The following CIT variants were observed in gnomAD, a reference collection of about 807,000 sequenced individuals.
The protein encoded by CIT is citron Rho-interacting kinase.
CIT carries 79 observed loss-of-function variants against 272.7 expected under a neutral mutation model. That is an observed-to-expected ratio of 0.29 (90% confidence interval 0.24 to 0.35). The LOEUF (loss-of-function observed/expected upper bound fraction) is 0.35, where lower values mean the gene tolerates loss of function less well. Ranked by LOEUF, CIT falls within the 10% of genes least tolerant of loss-of-function variation. CIT has a pLI of 1.00. For missense variants in CIT, 1,909 were observed against 2,618.3 expected, an observed-to-expected ratio of 0.73 and a Z score of 5.91; for synonymous variants, 948 against 995.6, an observed-to-expected ratio of 0.95 and a Z score of 0.90.
intron 23 of CIT, among the ~76,000 whole-genome samples, chr12:119,750,096 T>G (rs948294957): frequency 1.3e-5 from 2 of 152,254 alleles, no homozygotes; most frequent in Non-Finnish European, 2.9e-5. Flanking sequence ...AAGGGCTTAT[T>G]AAATATGGAT....
intron 32 of CIT, among the ~76,000 whole-genome samples, chr12:119,717,414 C>CTTTTTTTTT (rs765763044): frequency 7.8e-4 from 85 of 109,420 alleles, no homozygotes; most frequent in East Asian, 1.8e-3. Flanking sequence ...TTTTTCTTTT[C>CTTTTTTTTT]TTTTCTTTTT....
intron 4 of CIT, among the ~76,000 whole-genome samples, chr12:119,856,903 T>C (rs76816623): frequency 1.3e-5 from 2 of 152,324 alleles, no homozygotes; most frequent in East Asian, 3.9e-4. Context: ...AGACATATCA[T>C]GTGCACTAAA....
intron 4 of CIT, among the ~76,000 whole-genome samples, chr12:119,855,573 CT>C (rs1361788228): frequency 1.8e-3 from 220 of 120,138 alleles, no homozygotes; most frequent in African/African-American, 9.9e-3. Context: ...ACTTCTTTTC[CT>C]TCCCTTCACT....
chr12:119,759,784 G>T (rs536182675), intron 20 of CIT, among the ~76,000 whole-genome samples: 1 of 152,298 alleles, frequency 6.6e-6, no homozygotes, highest in African/African-American at 2.4e-5. Context: ...TGCTAAAAAG[G>T]TTGGGGACAG....
intron 17 of CIT, among the ~76,000 whole-genome samples, chr12:119,772,069 T>C (rs896563464): frequency 1.3e-5 from 2 of 151,972 alleles, no homozygotes; most frequent in Non-Finnish European, 2.9e-5. Context: ...AAAAGAGACA[T>C]GTACCAGGAG....
Position 119,730,486 on chromosome 12 carries a change from G to A in CIT, c.3486+9C>T. The A allele has an allele frequency of 6.3e-7, 1 of 1,590,250 alleles. No homozygotes were observed. The highest frequency in any genetic ancestry group is 8.6e-7 in the Non-Finnish European group (1 of 1,164,396). On this transcript the variant is annotated intron_variant, in intron 27 of 47. Coordinates refer to ENST00000392521, the MANE Select transcript of CIT (RefSeq NM_001206999.2). ...GTTTTCCTAAAAAGCAGAAGGGGTGGGCGCTGACCTTGTCAGAGAGGCTCT... is the reference window on the plus strand; with the variant it reads ...GTTTTCCTAAAAAGCAGAAGGGGTGAGCGCTGACCTTGTCAGAGAGGCTCT...
chr12:119,744,734 A>AAT (rs56732266), intron 23 of CIT, among the ~76,000 whole-genome samples: 4 of 149,988 alleles, frequency 2.7e-5, no homozygotes, highest in Non-Finnish European at 4.4e-5. Context: ...AAAAAAAAAA[A>AAT]GTCTATAAGA....
chr12:119,737,689 G>T (rs966685678), intron 24 of CIT, among the ~76,000 whole-genome samples: 1 of 151,970 alleles, frequency 6.6e-6, no homozygotes, highest in Non-Finnish European at 1.5e-5. Flanking sequence ...TTATATTTCC[G>T]GTTTGTGATT....
intron 23 of CIT, 57 bp from the exon 24 acceptor site, chr12:119,742,521 G>A (rs1470535907): frequency 4.6e-6 from 6 of 1,311,848 alleles, no homozygotes; most frequent in South Asian, 2.6e-5. Flanking sequence ...AATTCTACAT[G>A]CTACGGGTCA....
intron 32 of CIT, among the ~76,000 whole-genome samples, chr12:119,715,079 G>A (rs1957382946): frequency 6.6e-6 from 1 of 152,152 alleles, no homozygotes; most frequent in Admixed American, 6.5e-5. Context: ...TCTTGTGGTA[G>A]TGAATAAGAT....
At chr12:119,716,109 G>A (rs916042921) in intron 32 of CIT, among the ~76,000 whole-genome samples, 2 of 152,052 alleles carry the variant, frequency 1.3e-5, no homozygotes, top group African/African-American at 4.8e-5. Flanking sequence ...TGGGCACAGT[G>A]GCTCAAACCT....
intron 22 of CIT, among the ~76,000 whole-genome samples, chr12:119,754,588 T>C (rs1055482036): frequency 1.3e-5 from 2 of 152,212 alleles, no homozygotes; most frequent in Admixed American, 6.5e-5. Flanking sequence ...AGAGAAGAGC[T>C]AACGCTGCAC....
chr12:119,827,685 T>G (rs1425783561), intron 7 of CIT, among the ~76,000 whole-genome samples: 1 of 152,138 alleles, frequency 6.6e-6, no homozygotes, highest in Non-Finnish European at 1.5e-5. Flanking sequence ...GATCCACCCA[T>G]CTTGGCCTCC....
Position 119,857,591 on chromosome 12 carries a change from C to T in CIT, c.346G>A (p.Glu116Lys). The T allele has an allele frequency of 6.2e-7, 1 of 1,614,192 alleles. No individual in the cohort carries two copies. The highest frequency in any genetic ancestry group is 8.5e-7 in the Non-Finnish European group (1 of 1,180,038). ...GCATAGATGTCCCCGGTTGCTTTCT[C>T]TCTTACCACCTGCACTTCAGCAAAG... ...GHFAEVQVVR[E>K]KATGDIYAMK... is the part of the protein sequence containing the mutation. The change falls in exon 4 of 48, where the codon GAG becomes AAG. Residue 116 changes from glutamate (E) to lysine (K), a missense_variant. Around this residue, in one of 8 missense-constraint regions of CIT, gnomAD observed 529 missense variants for 549.6 expected, o/e 0.96. Coordinates refer to ENST00000392521, the MANE Select transcript of CIT (RefSeq NM_001206999.2).
Position 119,718,552 on chromosome 12 carries a change from T to C in CIT, c.4004-143A>G. 7.1e-7 allele frequency: 1 copy of C among 1,403,166 alleles called. No individual in the cohort carries two copies. The highest frequency in any genetic ancestry group is 9.8e-7 in the Non-Finnish European group (1 of 1,023,256). 86.9% of individuals were successfully genotyped at this position (1,403,166 alleles called of 1,614,324 possible). On this transcript the variant is annotated intron_variant, in intron 31 of 47. Transcript: ENST00000392521. The surrounding 1 kb of genome is among the most constrained non-coding windows in gnomAD (Gnocchi z 4.8). ...TCAACTTGGCAATGCACAGGGGCCA[T>C]ACGTTTTTCAGACATGGGATGTCTG...
chr12:119,772,024 G>A (rs1432596698), intron 17 of CIT, among the ~76,000 whole-genome samples: 1 of 152,088 alleles, frequency 6.6e-6, no homozygotes, highest in African/African-American at 2.4e-5. Context: ...AGGGGAGCTG[G>A]GGGAAATGCA....
rs2136957659 is a variant in CIT, at chr12:119,697,764, T to G, written c.5777A>C (p.Tyr1926Ser). ...LGPAISSGAI[Y>S]LASSYQDKLR... ...TTTATCCTGGTATGAGGACGCCAAG[T>G]AAATCGCTCCTGAGGAAATGGCAGG... Residue 1926 changes from tyrosine (Y) to serine (S), a missense_variant, in exon 46 of 48, where the codon TAC (tyrosine) becomes TCC (serine). Around this residue, in one of 8 missense-constraint regions of CIT, gnomAD observed 780 missense variants for 1,067.2 expected, o/e 0.73. Coordinates refer to ENST00000392521, the MANE Select transcript of CIT (RefSeq NM_001206999.2). The surrounding 1 kb of genome is among the most constrained non-coding windows in gnomAD (Gnocchi z 4.9). 1 of 1,614,098 alleles carries G rather than the reference T, an allele frequency of 6.2e-7. No individual in the cohort carries two copies. Among genetic ancestry groups the G allele is most frequent in the East Asian group, 2.2e-5 (1 of 44,880 alleles).
intron 5 of CIT, among the ~76,000 whole-genome samples, chr12:119,841,842 C>T (rs1332742517): frequency 1.3e-5 from 2 of 152,176 alleles, no homozygotes; most frequent in Non-Finnish European, 2.9e-5. Flanking sequence ...ACCTGGGTCC[C>T]TGAATTAACA....
intron 13 of CIT, among the ~76,000 whole-genome samples, chr12:119,777,677 C>CAAAAAAAAAACA (rs5801364): frequency 2.0e-5 from 3 of 147,248 alleles, no homozygotes; most frequent in Admixed American, 6.7e-5. Flanking sequence ...CTCAAAAAAA[C>CAAAAAAAAAACA]AAAAAAAAAC....
Sources: gnomAD v4.1 joint callset for allele counts (sites outside exome capture counted in the v4.1 genomes callset) on GRCh38, gnomAD v4.1.1 for gene constraint, gnomAD v4.1.1 regional missense constraint, Gnocchi (gnomAD v3.1) non-coding constraint, MANE v1.5 for transcripts, NCBI Gene and HGNC (gene_info 2026-07-23, HGNC 2026-07-21) for gene names.